Variants in DDX18 observed in about 807,000 individuals in gnomAD.
The protein encoded by DDX18 is ATP-dependent RNA helicase DDX18.
In DDX18, 23 loss-of-function variants were observed where a neutral mutation model predicts 73.5. The ratio of observed to expected loss-of-function variants is 0.31; its 90% confidence interval spans 0.23 to 0.44. The LOEUF (loss-of-function observed/expected upper bound fraction) is 0.44, where lower values mean the gene tolerates loss of function less well. DDX18 is among the 20% of genes least tolerant of loss of function. The pLI, the probability that DDX18 is intolerant of heterozygous loss-of-function variation, is 1.00. For synonymous variants in DDX18, 268 were observed against 282.7 expected, an observed-to-expected ratio of 0.95 and a Z score of 0.52; for missense variants, 753 against 792.9, an observed-to-expected ratio of 0.95 and a Z score of 0.60.
chr2:117,828,796 C>G (rs1407118757), intron 11 of DDX18, 153 bp from the exon 12 acceptor site: 1 of 613,650 alleles, frequency 1.6e-6, no homozygotes, highest in African/African-American at 1.9e-5. Flanking sequence ...AAAGATGTAA[C>G]TTTCCCATCA....
chr2:117,826,252 T>C lies in DDX18; in HGVS notation c.1522-17T>C. 1 of 1,609,078 alleles carries C rather than the reference T, an allele frequency of 6.2e-7. No individual in the cohort carries two copies. The highest frequency in any genetic ancestry group is 1.1e-5 in the South Asian group (1 of 90,736). ...GGAAGTCACTGCGTTAACTCAGATTTTCTTTCTCCACCAAAGGAATATATT... is the reference window on the plus strand; with the variant it reads ...GGAAGTCACTGCGTTAACTCAGATTCTCTTTCTCCACCAAAGGAATATATT... On this transcript the variant is annotated splice_polypyrimidine_tract_variant and intron_variant, in intron 10 of 13. Coordinates refer to ENST00000263239, the MANE Select transcript of DDX18 (RefSeq NM_006773.4).
Position 117,817,640 on chromosome 2 carries a change from C to T in DDX18, c.282C>T (p.Thr94=), listed in dbSNP as rs1252497523. Residue 94 remains threonine, a synonymous_variant, in exon 2 of 14, where the codon ACC becomes ACT. Transcript: ENST00000263239. ...TKSPQKSTVL[T]NGEAAMQSSN... is the part of the protein sequence containing the mutation. ...CTCCCCAGAAATCCACTGTATTAAC[C>T]AATGGAGAAGCAGCAATGCAGTCTT... 6.2e-7 allele frequency: 1 copy of T among 1,613,550 alleles called. No individual in the cohort carries two copies. The highest frequency in any genetic ancestry group is 1.1e-5 in the South Asian group (1 of 90,936).
rs769156679 is a variant in DDX18, at chr2:117,817,679, A to G, written c.321A>G (p.Ser107=). ...CAATGCAGTCTTCCAATTCAGAATC[A>G]AAAAAGAAAAAGAAGAAAAAGAGAA... ...EAAMQSSNSE[S]KKKKKKKRKM... is the part of the protein sequence containing the mutation. The change falls in exon 2 of 14, where the codon TCA becomes TCG. Residue 107 remains serine (S), a synonymous_variant. Transcript: ENST00000263239. 1.2e-6 allele frequency: 2 copies of G among 1,604,872 alleles called. No individual in the cohort carries two copies. Among genetic ancestry groups the G allele is most frequent in the South Asian group, 2.3e-5 (2 of 88,158 alleles).
rs763776392 is a variant in DDX18 at position 117,830,541 on chromosome 2, C to T, written c.1871-41C>T. The stretch of plus-strand genomic sequence containing the variant: ...TCTGTGTAGATGTTAGATTGGAGTT[C>T]ATTATCTTTTTTGCTTGATTTCCTT... On this transcript the variant is annotated intron_variant, in intron 13 of 13. Transcript: ENST00000263239. 6.9e-6 allele frequency: 11 copies of T among 1,600,390 alleles called. 1 individual carries two copies. In the South Asian group the frequency reaches 1.2e-4, roughly 18 times the overall value.
Position 117,814,871 on chromosome 2 carries a change from C to T in DDX18, c.85+9C>T, listed in dbSNP as rs749542733. On this transcript the variant is annotated intron_variant, in intron 1 of 13. Coordinates refer to ENST00000263239, the MANE Select transcript of DDX18 (RefSeq NM_006773.4). ...GAACCTAAAGTTTCAGGGTGAGATG[C>T]GTTGACTCGCGGTGGCTCAGAAGAC... The T allele has an allele frequency of 2.5e-6, 4 of 1,613,860 alleles. No individual in the cohort carries two copies. The highest frequency in any genetic ancestry group is 1.3e-5 in the African/African-American group (1 of 74,890).
chr2:117,814,833 A>G lies in DDX18; in HGVS notation c.56A>G (p.Lys19Arg), dbSNP rs754700006. 1.5e-5 allele frequency: 24 copies of G among 1,614,012 alleles called. No homozygotes were observed. Among genetic ancestry groups the G allele is most frequent in the South Asian group, 1.2e-4 (11 of 91,076 alleles). ...AAGAAGATCGAGAAGCGGAACCTCA[A>G]ATTGCGGCAGCGGAACCTAAAGTTT... ...LRKKIEKRNLKLRQRNLKFQG... is the reference protein window; with the variant it reads ...LRKKIEKRNLRLRQRNLKFQG... The change falls in exon 1 of 14, where the codon AAA becomes AGA. Residue 19 changes from lysine (K) to arginine (R), a missense_variant. By Grantham distance (26) the Lys-to-Arg change is conservative. Around this residue, in one of 3 missense-constraint regions of DDX18, gnomAD observed 345 missense variants for 352.0 expected, o/e 0.98. Coordinates refer to ENST00000263239, the MANE Select transcript of DDX18 (RefSeq NM_006773.4).
At chr2:117,820,444 C>A (rs1679827772) in intron 3 of DDX18, among the ~76,000 whole-genome samples, 1 of 152,178 alleles carries the variant, frequency 6.6e-6, no homozygotes, top group Non-Finnish European at 1.5e-5. Flanking sequence ...ATTGGTCATC[C>A]TAAGCCTAGG....
At chr2:117,817,245 C>G (rs553601723) in intron 1 of DDX18, among the ~76,000 whole-genome samples, 199 bp from the exon 2 acceptor site, 9 of 152,214 alleles carry the variant, frequency 5.9e-5, no homozygotes, top group Admixed American at 3.9e-4. Context: ...TTTCCCTTTT[C>G]CAGTATTTTT....
chr2:117,826,391 C>G lies in DDX18; in HGVS notation c.1635+9C>G, dbSNP rs1679928962. 6.2e-7 allele frequency: 1 copy of G among 1,609,032 alleles called. No individual in the cohort carries two copies. Among genetic ancestry groups the G allele is most frequent in the Non-Finnish European group, 8.5e-7 (1 of 1,176,004 alleles). On this transcript the variant is annotated intron_variant, in intron 11 of 13. Transcript: ENST00000263239. ...ACTTGAAACAATCCAAGGTAAAGAT[C>G]TGTACTTGGAGAAAGATTTCTCTTG...
At chr2:117,826,531 C>T (rs567589204) in intron 11 of DDX18, 149 bp downstream of exon 11, 164 of 725,550 alleles carry the variant, frequency 2.3e-4, no homozygotes, top group Non-Finnish European at 5.5e-5. Context: ...TTATGTACTT[C>T]TAGCCCAAGA....
chr2:117,821,137 A>G (rs752302145), intron 3 of DDX18, 24 bp from the exon 4 acceptor site: 9 of 1,504,738 alleles, frequency 6.0e-6, no homozygotes, highest in Admixed American at 2.4e-5. Flanking sequence ...TAAATTTGCT[A>G]ATGATAAATT....
chr2:117,826,567 A>G (rs1304502980), intron 11 of DDX18, 185 bp downstream of exon 11: 4 of 602,908 alleles, frequency 6.6e-6, no homozygotes, highest in Non-Finnish European at 5.9e-6. Flanking sequence ...AACTGCCCAC[A>G]TGGCTCGGCT....
At chr2:117,826,244 C>G (rs1241178866) in intron 10 of DDX18, 25 bp from the exon 11 acceptor site, 1 of 1,604,748 alleles carries the variant, frequency 6.2e-7, no homozygotes, top group South Asian at 1.1e-5. Flanking sequence ...ACTGCGTTAA[C>G]TCAGATTTTC....
intron 1 of DDX18, among the ~76,000 whole-genome samples, chr2:117,816,368 G>A (rs1679757820): frequency 6.6e-6 from 1 of 152,126 alleles, no homozygotes; most frequent in South Asian, 2.1e-4. Flanking sequence ...TGTACATACA[G>A]CTGTACAAAA....
chr2:117,824,414 T>G (rs992693696), intron 7 of DDX18, 155 bp from the exon 8 acceptor site: 4 of 657,584 alleles, frequency 6.1e-6, no homozygotes, highest in African/African-American at 1.9e-5. Flanking sequence ...TAGTGTTTCA[T>G]GATATACCCT....
chr2:117,818,712 G>T (rs1003195068), intron 2 of DDX18, among the ~76,000 whole-genome samples: 12 of 151,940 alleles, frequency 7.9e-5, no homozygotes, highest in Admixed American at 3.3e-4. Flanking sequence ...TTATGAGATG[G>T]GGTCTCACTG....
Position 117,830,627 on chromosome 2 carries a change from G to A in DDX18, c.1916G>A (p.Gly639Asp). ...EGKQKKRGGG[G>D]GFGYQKTKKV... is the part of the protein sequence containing the mutation. ...AAGCAGAAAAAGCGAGGAGGTGGTG[G>A]TGGATTTGGCTACCAGAAAACCAAG... Residue 639 changes from glycine to aspartate, a missense_variant, in exon 14 of 14, where the codon GGT becomes GAT. By Grantham distance (94) the Gly-to-Asp change is moderately conservative (BLOSUM62 -1). Around this residue, in one of 3 missense-constraint regions of DDX18, gnomAD observed 402 missense variants for 419.4 expected, o/e 0.96. Coordinates refer to ENST00000263239, the MANE Select transcript of DDX18 (RefSeq NM_006773.4). 1 of 1,613,838 alleles carries A rather than the reference G, an allele frequency of 6.2e-7. No individual in the cohort carries two copies. Among genetic ancestry groups the A allele is most frequent in the Non-Finnish European group, 8.5e-7 (1 of 1,179,816 alleles).
rs1052637 is a variant in DDX18 at position 117,817,639 on chromosome 2, C to T, written c.281C>T (p.Thr94Ile). Residue 94 changes from threonine (T) to isoleucine (I), a missense_variant, in exon 2 of 14, where the codon ACC becomes ATC. By Grantham distance (89) the Thr-to-Ile change is moderately conservative. Coordinates refer to ENST00000263239, the MANE Select transcript of DDX18 (RefSeq NM_006773.4). ...TCTCCCCAGAAATCCACTGTATTAA[C>T]CAATGGAGAAGCAGCAATGCAGTCT... ...TKSPQKSTVL[T>I]NGEAAMQSSN... 1.2e-6 allele frequency: 2 copies of T among 1,613,526 alleles called. No homozygotes were observed. The highest frequency in any genetic ancestry group is 1.7e-6 in the Non-Finnish European group (2 of 1,179,728).
intron 1 of DDX18, 86 bp from the exon 2 acceptor site, chr2:117,817,358 C>T: frequency 8.0e-7 from 1 of 1,252,502 alleles, no homozygotes; most frequent in Non-Finnish European, 1.1e-6. Flanking sequence ...TGTCAGGAAG[C>T]CATGGAAGTT....
Sources: allele counts gnomAD v4.1 joint callset (sites outside exome capture counted in the v4.1 genomes callset), GRCh38; gene constraint gnomAD v4.1.1; regional missense constraint gnomAD v4.1.1; transcripts MANE v1.5; gene names NCBI Gene and HGNC (gene_info 2026-07-23, HGNC 2026-07-21).